Variants in DPP10 observed in about 807,000 individuals in gnomAD.
DPP10 encodes dipeptidyl peptidase like 10.
In DPP10, 33 loss-of-function variants were observed where a neutral mutation model predicts 120.9. The observed-to-expected ratio is 0.27, with a 90% confidence interval of 0.21 to 0.37. The LOEUF (loss-of-function observed/expected upper bound fraction) is 0.37, where lower values mean the gene tolerates loss of function less well. DPP10 is among the 10% of genes least tolerant of loss of function. The pLI, the probability that DPP10 is intolerant of heterozygous loss-of-function variation, is 1.00. For missense variants in DPP10, 816 were observed against 942.8 expected (o/e 0.87, Z 1.76); for synonymous variants, 337 against 326.1 (o/e 1.03, Z -0.36).
chr2:115,628,214 G>A (rs1344785797), intron 5 of DPP10, among the ~76,000 whole-genome samples: 1 of 152,054 alleles, frequency 6.6e-6, no homozygotes, highest in African/African-American at 2.4e-5. Context: ...TCACCATTCT[G>A]ACTGGCGTGA....
intron 1 of DPP10, among the ~76,000 whole-genome samples, chr2:114,861,714 A>C (rs1232667882): frequency 6.6e-6 from 1 of 152,130 alleles, no homozygotes; most frequent in East Asian, 1.9e-4. Flanking sequence ...TTCATTCTAT[A>C]GGTTTGCAAG....
intron 1 of DPP10, among the ~76,000 whole-genome samples, chr2:114,574,502 A>T (rs544338656): frequency 6.6e-6 from 1 of 152,306 alleles, no homozygotes; most frequent in South Asian, 2.1e-4. Flanking sequence ...AGCCTTGGGA[A>T]TGTGAAGAGG....
chr2:114,635,412 A>G (rs1266496002), intron 1 of DPP10, among the ~76,000 whole-genome samples: 2 of 151,940 alleles, frequency 1.3e-5, no homozygotes, highest in South Asian at 2.1e-4. Flanking sequence ...GAAATATTAT[A>G]TGAATGAAAA....
intron 1 of DPP10, among the ~76,000 whole-genome samples, chr2:114,588,413 A>G (rs980307565): frequency 6.6e-6 from 1 of 152,234 alleles, no homozygotes; most frequent in African/African-American, 2.4e-5. Context: ...GGGCAACGTT[A>G]AATGAAAATA....
chr2:114,515,808 CTT>C (rs35011383), intron 1 of DPP10, among the ~76,000 whole-genome samples: 1 of 148,510 alleles, frequency 6.7e-6, no homozygotes, highest in African/African-American at 2.5e-5. Flanking sequence ...TCATATCAAC[CTT>C]TTTTTTTTTC....
chr2:114,980,457 C>T (rs1700010705), intron 1 of DPP10, among the ~76,000 whole-genome samples: 2 of 151,886 alleles, frequency 1.3e-5, no homozygotes, highest in African/African-American at 4.8e-5. Context: ...ATTACGTTGA[C>T]ACTCAAGAAT....
chr2:114,532,883 G>C (rs927846646), intron 1 of DPP10, among the ~76,000 whole-genome samples: 1 of 152,172 alleles, frequency 6.6e-6, no homozygotes, highest in African/African-American at 2.4e-5. Flanking sequence ...TGGATATCCA[G>C]CAGGGATATG....
chr2:114,589,038 G>T (rs6728343), intron 1 of DPP10, among the ~76,000 whole-genome samples: 65,477 of 109,712 alleles, frequency 0.6, 16,301 homozygotes, highest in East Asian at 0.76. Flanking sequence ...AGGTTTTTTT[G>T]GGGGGGGGGG....
At chr2:115,693,875 A>G (rs1281840500) in intron 7 of DPP10, among the ~76,000 whole-genome samples, 1 of 152,136 alleles carries the variant, frequency 6.6e-6, no homozygotes, top group African/African-American at 2.4e-5. Context: ...TCTGGTGTTT[A>G]ATGTATGAAA....
At position 115,027,592 on chromosome 2, in the gene DPP10, C is replaced by CT. The variant is rs1197991329; in HGVS notation, c.61-281640dup. Among the ~76,000 whole-genome samples, 8 of 152,104 alleles carry CT rather than the reference C, an allele frequency of 5.3e-5. No individual in the cohort carries two copies. The East Asian group carries it at 9.7e-4, about 18-fold the overall frequency. ...ACCAGTAATATTGACCTGTAGCTTT[C>CT]TTTTTTTGTGGTGTGTTTTTCTGGT... On this transcript the variant is annotated intron_variant, in intron 1 of 25. Coordinates refer to ENST00000410059, the MANE Select transcript of DPP10 (RefSeq NM_020868.6).
intron 1 of DPP10, among the ~76,000 whole-genome samples, chr2:114,444,583 A>AG (rs946665735): frequency 6.6e-6 from 1 of 151,752 alleles, no homozygotes; most frequent in African/African-American, 2.4e-5. Context: ...GAACAGAAAA[A>AG]AAAATGTTTC....
chr2:115,206,101 T>C (rs562531977), intron 1 of DPP10, among the ~76,000 whole-genome samples: 15 of 152,338 alleles, frequency 9.8e-5, no homozygotes, highest in African/African-American at 3.1e-4. Context: ...AGCTTTCTTA[T>C]GGGAGTATGT....
At position 115,791,140 on chromosome 2, in the gene DPP10, G is replaced by A. The variant is rs1186960143; in HGVS notation, c.1591G>A (p.Gly531Arg). ...LKEAILKKKI[G>R]KPEIKILHID... The stretch of plus-strand genomic sequence containing the variant: ...GGAAGCTATCCTGAAGAAGAAGATA[G>A]GAAAGCCAGAAATTAAAATCCTTCA... Residue 531 changes from glycine (G) to arginine (R), a missense_variant, in exon 18 of 26, where the codon GGA (glycine) becomes AGA (arginine). Physicochemically the swap from Gly to Arg is moderately radical, Grantham distance 125. Around this residue, in one of 3 missense-constraint regions of DPP10, gnomAD observed 592 missense variants for 649.0 expected, o/e 0.91. Transcript: ENST00000410059. The A allele has an allele frequency of 1.2e-6, 2 of 1,613,434 alleles. No homozygotes were observed. The highest frequency in any genetic ancestry group is 1.7e-6 in the Non-Finnish European group (2 of 1,179,754).
At chr2:115,626,862 G>C (rs1391141223) in intron 5 of DPP10, among the ~76,000 whole-genome samples, 1 of 152,052 alleles carries the variant, frequency 6.6e-6, no homozygotes, top group African/African-American at 2.4e-5. Context: ...ATGCCTGTTT[G>C]TGCATATAAT....
intron 1 of DPP10, chr2:114,461,924 T>C: frequency 1.0e-6 from 1 of 985,390 alleles, no homozygotes; most frequent in African/African-American, 1.7e-5. Flanking sequence ...GGAGCTGGTA[T>C]GCTGGTTAGG....
chr2:114,468,909 T>C (rs1365162934), intron 1 of DPP10, among the ~76,000 whole-genome samples: 1 of 152,180 alleles, frequency 6.6e-6, no homozygotes, highest in African/African-American at 2.4e-5. Flanking sequence ...TGATTAATGC[T>C]ATTTCTAGTG....
At chr2:115,716,011 C>T (rs964100237) in intron 7 of DPP10, among the ~76,000 whole-genome samples, 6 of 152,120 alleles carry the variant, frequency 3.9e-5, no homozygotes, top group Admixed American at 2.0e-4. Flanking sequence ...CAAGTGAATG[C>T]GGTTCACTAA....
intron 1 of DPP10, among the ~76,000 whole-genome samples, chr2:115,037,877 A>T (rs76705274): frequency 2.0e-5 from 3 of 152,164 alleles, no homozygotes; most frequent in African/African-American, 7.2e-5. Context: ...AGTCTATATG[A>T]TTTCTGGAGC....
At chr2:114,925,942 C>A (rs559202474) in intron 1 of DPP10, among the ~76,000 whole-genome samples, 3 of 152,266 alleles carry the variant, frequency 2.0e-5, no homozygotes, top group African/African-American at 7.2e-5. Flanking sequence ...ACATACTAAG[C>A]ACGGTATTCA....
Sources: gnomAD v4.1 joint callset for allele counts (sites outside exome capture counted in the v4.1 genomes callset) on GRCh38, gnomAD v4.1.1 for gene constraint, gnomAD v4.1.1 regional missense constraint, MANE v1.5 for transcripts, NCBI Gene and HGNC (gene_info 2026-07-23, HGNC 2026-07-21) for gene names.